Variants in UGT2B28 observed in about 807,000 individuals in gnomAD.
The protein encoded by UGT2B28 is UDP-glucuronosyltransferase 2B28.
In UGT2B28, 45 loss-of-function variants were observed where a neutral mutation model predicts 43.6. The ratio of observed to expected loss-of-function variants is 1.03; its 90% CI spans 0.81 to 1.32. The LOEUF is 1.32. Ranked by LOEUF, UGT2B28 falls within the 40% of genes most tolerant of loss-of-function variation. The probability of loss-of-function intolerance (pLI) is 0.00; values close to 1 mark genes in which losing one functional copy is unlikely to be tolerated. For missense variants in UGT2B28, 649 were observed against 625.5 expected, an observed-to-expected ratio of 1.04 and a Z score of -0.40; for synonymous variants, 204 against 208.1, an observed-to-expected ratio of 0.98 and a Z score of 0.17.
rs1330676686 is a variant in UGT2B28, at chr4:69,288,579, A to T, written c.1003-1086A>T. On this transcript the variant is annotated intron_variant, in intron 3 of 5. Transcript: ENST00000335568. ...TTTTTTTATAATATTTTTATTTTTT[A>T]AATTAAATTAACTTTTATTTTTAAC... is the stretch of plus-strand genomic sequence containing the variant. Among the ~76,000 whole-genome samples, 5 of 140,092 alleles carry T rather than the reference A, an allele frequency of 3.6e-5. 1 individual carries two copies. In the South Asian group the frequency reaches 7.1e-4, roughly 20 times the overall value. 91.9% of individuals were successfully genotyped at this position (140,092 alleles called of 152,430 possible).
At position 69,283,909 on chromosome 4, in the gene UGT2B28, G is replaced by A. The variant is rs563408076; in HGVS notation, c.870+1247G>A. 8.1e-4 allele frequency among the ~76,000 whole-genome samples: 113 copies of A among 140,296 alleles called. 21 individuals are homozygous for A. The highest frequency in any genetic ancestry group is 3.6e-3 in the Middle Eastern group (1 of 274). The allele number at this position is 140,296 out of a possible 152,430, so 92.0% of individuals were successfully genotyped here. A position where few individuals can be genotyped will look rare whatever the true frequency, so the allele number is the denominator to read the frequency against. On this transcript the variant is annotated intron_variant, in intron 2 of 5. Coordinates refer to ENST00000335568, the MANE Select transcript of UGT2B28 (RefSeq NM_053039.2). Reference sequence around the variant, plus strand: ...CCAGTTGAAATTCTAAAATTCTACCGTAAGTAATAAGGATCTTCACTAGTA... The same window carrying A: ...CCAGTTGAAATTCTAAAATTCTACCATAAGTAATAAGGATCTTCACTAGTA...
rs1295672541 is a variant in UGT2B28 at position 69,292,622 on chromosome 4, T to C, written c.1310+1811T>C. ...AATGGATTCTTACAATCTAAAATGA[T>C]ATACAAACACATATATACATATACA... On this transcript the variant is annotated intron_variant, in intron 5 of 5. Transcript: ENST00000335568. 6.4e-5 allele frequency among the ~76,000 whole-genome samples: 9 copies of C among 140,254 alleles called. 1 individual carries two copies. The highest frequency in any genetic ancestry group is 2.5e-4 in the African/African-American group (9 of 36,070). 92.0% of individuals were successfully genotyped at this position (140,254 alleles called of 152,430 possible).
rs1724063065 is a variant in UGT2B28 at position 69,294,904 on chromosome 4, C to T, written c.*95C>T. The stretch of plus-strand genomic sequence containing the variant: ...AAAGATTGTTATGCAAGATTTCTTT[C>T]TTCCTGTGACAAAAAAAAAAACTTT... On this transcript the variant is annotated 3_prime_UTR_variant, in exon 6 of 6. Transcript: ENST00000335568. 2.2e-6 allele frequency: 3 copies of T among 1,339,826 alleles called. No homozygotes were observed. Among genetic ancestry groups the T allele is most frequent in the Admixed American group, 6.1e-5 (2 of 32,596 alleles). 83.0% of individuals were successfully genotyped at this position (1,339,826 alleles called of 1,614,324 possible).
rs552081734 is a variant in UGT2B28 at position 69,283,021 on chromosome 4, G to A, written c.870+359G>A. Among the ~76,000 whole-genome samples, 16 of 140,276 alleles carry A rather than the reference G, an allele frequency of 1.1e-4. 2 individuals carry two copies. Among genetic ancestry groups the A allele is most frequent in the Admixed American group, 2.1e-4 (3 of 13,954 alleles). The allele number at this position is 140,276 out of a possible 152,430, so 92.0% of individuals were successfully genotyped here. ...CAGAGAAAAAAAATAGACAGTTTCC[G>A]TCTGCACATACCTTACATTCTACTT... On this transcript the variant is annotated intron_variant, in intron 2 of 5. Coordinates refer to ENST00000335568, the MANE Select transcript of UGT2B28 (RefSeq NM_053039.2).
chr4:69,286,139 C>A (rs1442722597), intron 2 of UGT2B28, among the ~76,000 whole-genome samples: 3 of 141,318 alleles, frequency 2.1e-5, no homozygotes, highest in Non-Finnish European at 4.5e-5. Flanking sequence ...TAACCACCAG[C>A]TTTTATTTTC....
chr4:69,285,360 C>T lies in UGT2B28; in HGVS notation c.871-1392C>T, dbSNP rs1470854502. Among the ~76,000 whole-genome samples the T allele has an allele frequency of 2.1e-5, 3 of 140,044 alleles. 1 individual carries two copies. The highest frequency in any genetic ancestry group is 8.4e-5 in the African/African-American group (3 of 35,798). The allele number at this position is 140,044 out of a possible 152,430, so 91.9% of individuals were successfully genotyped here. A position where few individuals can be genotyped will look rare whatever the true frequency, so the allele number is the denominator to read the frequency against. On this transcript the variant is annotated intron_variant, in intron 2 of 5. Transcript: ENST00000335568. ...TTTTGTATTATTTTTATAATATTAT[C>T]ACTAAAGGAGCAACAACCCGTCAAT...
rs1384762153 is a variant in UGT2B28 at position 69,286,941 on chromosome 4, A to T, written c.1002+58A>T. On this transcript the variant is annotated intron_variant, in intron 3 of 5. Transcript: ENST00000335568. ...TACTGAAAGAGGCTGTTAAAGTTTG[A>T]GATCTACACAGAAAGAATATTAAGG... The T allele has an allele frequency of 1.6e-5, 24 of 1,531,878 alleles. 2 individuals are homozygous for T. Among genetic ancestry groups the T allele is most frequent in the East Asian group, 2.4e-5 (1 of 42,278 alleles). The allele number at this position is 1,531,878 out of a possible 1,614,324, so 94.9% of individuals were successfully genotyped here.
chr4:69,292,518 T>G (rs1723983700), intron 5 of UGT2B28, among the ~76,000 whole-genome samples: 1 of 140,854 alleles, frequency 7.1e-6, no homozygotes, highest in Non-Finnish European at 1.5e-5. Context: ...ACAAATACTT[T>G]CACTCAATCT....
chr4:69,289,715 T>G lies in UGT2B28; in HGVS notation c.1053T>G (p.Thr351=), dbSNP rs761425573. 5.8e-6 allele frequency: 9 copies of G among 1,562,700 alleles called. 1 individual carries two copies. Among genetic ancestry groups the G allele is most frequent in the Non-Finnish European group, 6.0e-6 (7 of 1,157,952 alleles). Residue 351 remains threonine (T), a synonymous_variant, in exon 4 of 6, where the codon ACT becomes ACG. Transcript: ENST00000335568. ...AACCAGATGCCTTAGGTCTCAATAC[T>G]CGGCTGTATAAGTGGATACCCCAGA... is the stretch of plus-strand genomic sequence containing the variant. The part of the protein sequence containing the change: ...GNKPDALGLN[T]RLYKWIPQND...
rs1222559806 is a variant in UGT2B28 at position 69,284,862 on chromosome 4, T to A, written c.871-1890T>A. Among the ~76,000 whole-genome samples the A allele has an allele frequency of 2.1e-5, 3 of 140,362 alleles. 1 individual carries two copies. Among genetic ancestry groups the A allele is most frequent in the African/African-American group, 8.3e-5 (3 of 36,112 alleles). The allele number at this position is 140,362 out of a possible 152,430, so 92.1% of individuals were successfully genotyped here. On this transcript the variant is annotated intron_variant, in intron 2 of 5. Transcript: ENST00000335568. ...TAAGAGAATAAGACACTTGACAAAC[T>A]GCATCAAGTGTTTTAAAAATGCGTA... is the stretch of plus-strand genomic sequence containing the variant.
rs1209183672 is a variant in UGT2B28 at position 69,293,744 on chromosome 4, A to AT, written c.1311-786_1311-785insT. Among the ~76,000 whole-genome samples the AT allele has an allele frequency of 7.0e-4, 99 of 140,596 alleles. 18 individuals are homozygous for AT. The highest frequency in any genetic ancestry group is 2.4e-3 in the African/African-American group (88 of 36,022). 92.2% of individuals were successfully genotyped at this position (140,596 alleles called of 152,430 possible). A position where few individuals can be genotyped will look rare whatever the true frequency, so the allele number is the denominator to read the frequency against. On this transcript the variant is annotated intron_variant, in intron 5 of 5. Transcript: ENST00000335568. ...CAATGTGCAGGGGAAAAGTGTTAGA[A>AT]AAGAGCTTGCCAGTGTCTTAAAATG...
At chr4:69,286,252 T>C (rs1489883185) in intron 2 of UGT2B28, among the ~76,000 whole-genome samples, 2 of 141,700 alleles carry the variant, frequency 1.4e-5, no homozygotes, top group Admixed American at 7.1e-5. Flanking sequence ...TTATCCCAAC[T>C]GTGAATAGCT....
At position 69,285,300 on chromosome 4, in the gene UGT2B28, C is replaced by T. The variant is rs533182726; in HGVS notation, c.871-1452C>T. Among the ~76,000 whole-genome samples the T allele has an allele frequency of 2.3e-4, 32 of 139,824 alleles. 2 individuals are homozygous for T. Among genetic ancestry groups the T allele is most frequent in the East Asian group, 1.6e-3 (8 of 4,926 alleles). 91.7% of individuals were successfully genotyped at this position (139,824 alleles called of 152,430 possible). Reference sequence around the variant, plus strand: ...ATTTTAGAAAAATTATTTTTTAAAACGCTTTTCATACTTTTATACAATTTC... The same window carrying T: ...ATTTTAGAAAAATTATTTTTTAAAATGCTTTTCATACTTTTATACAATTTC... On this transcript the variant is annotated intron_variant, in intron 2 of 5. Transcript: ENST00000335568.
Position 69,285,715 on chromosome 4 carries a change from C to G in UGT2B28, c.871-1037C>G, listed in dbSNP as rs368199201. Among the ~76,000 whole-genome samples the G allele has an allele frequency of 1.4e-5, 2 of 141,040 alleles. 1 individual carries two copies. Among genetic ancestry groups the G allele is most frequent in the Non-Finnish European group, 3.0e-5 (2 of 65,918 alleles). The allele number at this position is 141,040 out of a possible 152,430, so 92.5% of individuals were successfully genotyped here. On this transcript the variant is annotated intron_variant, in intron 2 of 5. Coordinates refer to ENST00000335568, the MANE Select transcript of UGT2B28 (RefSeq NM_053039.2). ...ACCCCAATGATTAAATCTGAAAATACTTAAATTTAAATATCGGTATACATT... is the reference window on the plus strand; with the variant it reads ...ACCCCAATGATTAAATCTGAAAATAGTTAAATTTAAATATCGGTATACATT...
At position 69,285,730 on chromosome 4, in the gene UGT2B28, C is replaced by T. The variant is rs372014496; in HGVS notation, c.871-1022C>T. Reference sequence around the variant, plus strand: ...TCTGAAAATACTTAAATTTAAATATCGGTATACATTGGGGAACTCAAGTCA... The same window carrying T: ...TCTGAAAATACTTAAATTTAAATATTGGTATACATTGGGGAACTCAAGTCA... On this transcript the variant is annotated intron_variant, in intron 2 of 5. Coordinates refer to ENST00000335568, the MANE Select transcript of UGT2B28 (RefSeq NM_053039.2). 4.3e-5 allele frequency among the ~76,000 whole-genome samples: 6 copies of T among 140,656 alleles called. 1 individual carries two copies. The highest frequency in any genetic ancestry group is 3.7e-3 in the Middle Eastern group (1 of 272). The allele number at this position is 140,656 out of a possible 152,430, so 92.3% of individuals were successfully genotyped here. A position where few individuals can be genotyped will look rare whatever the true frequency, so the allele number is the denominator to read the frequency against.
rs1030189587 is a variant in UGT2B28 at position 69,281,564 on chromosome 4, T to C, written c.721+343T>C. Among the ~76,000 whole-genome samples the C allele has an allele frequency of 3.5e-5, 5 of 140,906 alleles. 1 individual carries two copies. The highest frequency in any genetic ancestry group is 8.3e-5 in the African/African-American group (3 of 36,146). 92.4% of individuals were successfully genotyped at this position (140,906 alleles called of 152,430 possible). A position where few individuals can be genotyped will look rare whatever the true frequency, so the allele number is the denominator to read the frequency against. ...ATCAAGTAACATCTTACTGAATGCA[T>C]AGATTTAGAATGAGTAATTACACAT... is the stretch of plus-strand genomic sequence containing the variant. On this transcript the variant is annotated intron_variant, in intron 1 of 5. Transcript: ENST00000335568.
chr4:69,286,547 A>G (rs1723780367), intron 2 of UGT2B28, among the ~76,000 whole-genome samples: 2 of 140,048 alleles, frequency 1.4e-5, no homozygotes, highest in Admixed American at 1.4e-4. Context: ...AAACACACAT[A>G]TTTACACAAA....
intron 2 of UGT2B28, among the ~76,000 whole-genome samples, chr4:69,283,713 C>A (rs1400343384): frequency 7.1e-6 from 1 of 140,344 alleles, no homozygotes; most frequent in Non-Finnish European, 1.5e-5. Context: ...GTTATTATTA[C>A]CAATACTACT....
Position 69,284,992 on chromosome 4 carries a change from C to T in UGT2B28, c.871-1760C>T, listed in dbSNP as rs895190760. Among the ~76,000 whole-genome samples the T allele has an allele frequency of 4.2e-4, 58 of 139,040 alleles. 12 individuals are homozygous for T. The highest frequency in any genetic ancestry group is 1.5e-3 in the African/African-American group (53 of 35,532). 91.2% of individuals were successfully genotyped at this position (139,040 alleles called of 152,430 possible). On this transcript the variant is annotated intron_variant, in intron 2 of 5. Coordinates refer to ENST00000335568, the MANE Select transcript of UGT2B28 (RefSeq NM_053039.2). ...CACAAAATTAACATTAGAATTAATC[C>T]GACATCTTACATGAAAGAATGATTA...
Sources: gnomAD v4.1 joint callset for allele counts (sites outside exome capture counted in the v4.1 genomes callset) on GRCh38, gnomAD v4.1.1 for gene constraint, MANE v1.5 for transcripts, NCBI Gene and HGNC (gene_info 2026-07-23, HGNC 2026-07-21) for gene names.